The following HLCS variants were observed in gnomAD, a reference collection of about 807,000 sequenced individuals.
The protein encoded by HLCS is holocarboxylase synthetase.
A neutral mutation model predicts 75.0 loss-of-function variants in HLCS; 53 were observed. That is an observed-to-expected ratio of 0.71 (90% confidence interval 0.57 to 0.89). The LOEUF is 0.89. Among genes scored for constraint, HLCS ranks in the 40% least tolerant of loss-of-function variants. The probability of loss-of-function intolerance (pLI) is 0.00; values close to 1 mark genes in which losing one functional copy is unlikely to be tolerated. For missense variants in HLCS, 966 were observed against 1,074.0 expected, an observed-to-expected ratio of 0.90 and a Z score of 1.41; for synonymous variants, 431 against 428.6, an observed-to-expected ratio of 1.01 and a Z score of -0.07.
chr21:36,765,209 G>A, intron 7 of HLCS, 37 bp from the exon 8 acceptor site: 3 of 1,610,028 alleles, frequency 1.9e-6, no homozygotes, highest in Non-Finnish European at 2.6e-6. Context: ...ATGCTACCTT[G>A]CCACGTGGAC....
chr21:36,979,247 T>C (rs2069035884), intron 1 of HLCS, among the ~76,000 whole-genome samples: 1 of 145,552 alleles, frequency 6.9e-6, no homozygotes, highest in Admixed American at 7.0e-5. Context: ...CCTCCAGGCC[T>C]GGGTGACAGA....
chr21:36,890,634 G>C (rs1342609784), intron 6 of HLCS, among the ~76,000 whole-genome samples: 2 of 152,026 alleles, frequency 1.3e-5, no homozygotes, highest in East Asian at 1.9e-4. Flanking sequence ...CACATGCCCA[G>C]AGAGATCAAA....
chr21:36,984,709 G>A (rs142769641), intron 1 of HLCS, among the ~76,000 whole-genome samples: 1 of 152,320 alleles, frequency 6.6e-6, no homozygotes, highest in African/African-American at 2.4e-5. Context: ...CAATGTACAT[G>A]ATCAGGGGTG....
In HLCS at chr21:36,754,436, G is replaced by A. The variant is rs78671947; in HGVS notation, c.2451-19C>T. 805 of 1,607,712 alleles carry A rather than the reference G, an allele frequency of 5.0e-4. 8 individuals carry two copies. In the African/African-American group the frequency reaches 9.2e-3, roughly 18 times the overall value. On this transcript the variant is annotated intron_variant, in intron 10 of 10. Coordinates refer to ENST00000674895, the MANE Select transcript of HLCS (RefSeq NM_001352514.2). The stretch of plus-strand genomic sequence containing the variant: ...CTGACCACTGAAAAGGAAGAACAGC[G>A]TGCGGTCACTGGGAGGTGTCACAGG...
chr21:36,962,176 T>G lies in HLCS; in HGVS notation c.196-6A>C. The stretch of plus-strand genomic sequence containing the variant: ...TTGTTCAAGTCTTCAATGGACTGTA[T>G]AGAGGGAAAGAAATATAATGAGATT... On this transcript the variant is annotated splice_polypyrimidine_tract_variant and splice_region_variant and intron_variant, in intron 1 of 10. Coordinates refer to ENST00000674895, the MANE Select transcript of HLCS (RefSeq NM_001352514.2). 1 of 1,285,496 alleles carries G rather than the reference T, an allele frequency of 7.8e-7. No individual in the cohort carries two copies. The highest frequency in any genetic ancestry group is 1.2e-5 in the South Asian group (1 of 80,642). 79.6% of individuals were successfully genotyped at this position (1,285,496 alleles called of 1,614,324 possible).
chr21:36,873,206 C>CACG (rs2063833326), intron 6 of HLCS, among the ~76,000 whole-genome samples: 1 of 152,156 alleles, frequency 6.6e-6, no homozygotes, highest in Non-Finnish European at 1.5e-5. Flanking sequence ...CAACCTCCAC[C>CACG]TCCCGGGTTG....
chr21:36,856,082 G>A (rs1459740746), intron 6 of HLCS, among the ~76,000 whole-genome samples: 2 of 152,096 alleles, frequency 1.3e-5, no homozygotes, highest in African/African-American at 2.4e-5. Flanking sequence ...AGGGGGAAGG[G>A]GAGTGACTGC....
chr21:36,841,187 T>C (rs2062602949), intron 6 of HLCS, among the ~76,000 whole-genome samples: 3 of 152,216 alleles, frequency 2.0e-5, no homozygotes, highest in South Asian at 4.1e-4. Flanking sequence ...TTGCTAAAAA[T>C]ATTTCAACCG....
chr21:36,880,714 G>A (rs531028017), intron 6 of HLCS, among the ~76,000 whole-genome samples: 3 of 152,242 alleles, frequency 2.0e-5, no homozygotes, highest in African/African-American at 7.2e-5. Context: ...TCCACGGCAG[G>A]TTCTATACTA....
chr21:36,950,294 T>G (rs1261056592), intron 2 of HLCS, among the ~76,000 whole-genome samples: 1 of 147,186 alleles, frequency 6.8e-6, no homozygotes, highest in African/African-American at 2.5e-5. Flanking sequence ...TATTCAATTC[T>G]GCTACATAGA....
intron 6 of HLCS, among the ~76,000 whole-genome samples, chr21:36,838,324 ACACACCCC>A (rs1409940366): frequency 1.3e-5 from 2 of 151,524 alleles, no homozygotes; most frequent in African/African-American, 4.9e-5. Context: ...ACACACACAC[ACACACCCC>A]CACAACCAAC....
intron 5 of HLCS, among the ~76,000 whole-genome samples, chr21:36,906,523 C>T (rs2065463002): frequency 6.6e-6 from 1 of 152,122 alleles, no homozygotes; most frequent in Non-Finnish European, 1.5e-5. Flanking sequence ...CAGAGCGAGA[C>T]CCCATCTCAA....
At chr21:36,793,546 C>T (rs751591745) in intron 6 of HLCS, among the ~76,000 whole-genome samples, 6 of 152,008 alleles carry the variant, frequency 3.9e-5, no homozygotes, top group Non-Finnish European at 5.9e-5. Flanking sequence ...GTGATCCACC[C>T]GCCTCGGCCT....
chr21:36,940,659 G>A (rs545208742), intron 2 of HLCS, among the ~76,000 whole-genome samples: 1 of 152,180 alleles, frequency 6.6e-6, no homozygotes, highest in African/African-American at 2.4e-5. Flanking sequence ...CAGAGGAAAG[G>A]GGTATTCCTG....
chr21:36,811,638 A>G (rs920880293), intron 6 of HLCS, among the ~76,000 whole-genome samples: 1 of 152,220 alleles, frequency 6.6e-6, no homozygotes. Context: ...TAAGTATGAA[A>G]ATAAATTCAT....
intron 6 of HLCS, among the ~76,000 whole-genome samples, chr21:36,827,817 CTTTT>C (rs60457236): frequency 7.2e-6 from 1 of 138,832 alleles, no homozygotes; most frequent in Non-Finnish European, 1.5e-5. Flanking sequence ...TTCTTTCTTT[CTTTT>C]TTTTTTTTTT....
chr21:36,969,145 T>C (rs1457483478), upstream of HLCS, among the ~76,000 whole-genome samples: 1 of 152,124 alleles, frequency 6.6e-6, no homozygotes, highest in Non-Finnish European at 1.5e-5. Context: ...CAGTGAGAAG[T>C]GAAACAGTCA....
chr21:36,921,301 T>C (rs1275560482), intron 5 of HLCS, among the ~76,000 whole-genome samples: 1 of 152,044 alleles, frequency 6.6e-6, no homozygotes, highest in African/African-American at 2.4e-5. Flanking sequence ...AAAAACTAGC[T>C]GGGCGTGGTG....
intron 6 of HLCS, among the ~76,000 whole-genome samples, chr21:36,871,074 C>G (rs756473001): frequency 6.4e-4 from 98 of 152,234 alleles, no homozygotes; most frequent in African/African-American, 2.2e-3. Context: ...ACCCTGAGAC[C>G]GGCCGTGTGC....
Sources: allele counts gnomAD v4.1 joint callset (sites outside exome capture counted in the v4.1 genomes callset), GRCh38; gene constraint gnomAD v4.1.1; transcripts MANE v1.5; gene names NCBI Gene and HGNC (gene_info 2026-07-23, HGNC 2026-07-21).